The following MBD5 variants were observed in gnomAD, a reference collection of about 807,000 sequenced individuals.
The protein encoded by MBD5 is methyl-CpG-binding domain protein 5.
Under a neutral mutation model 117.3 loss-of-function variants are expected in MBD5, and 13 were observed. The observed-to-expected ratio is 0.11, with a 90% CI of 0.07 to 0.18. The LOEUF (loss-of-function observed/expected upper bound fraction) is 0.18. MBD5 is among the 10% of genes least tolerant of loss of function. The probability of loss-of-function intolerance (pLI) is 1.00; values close to 1 mark genes in which losing one functional copy is unlikely to be tolerated. For synonymous variants in MBD5, 727 were observed against 766.4 expected (o/e 0.95, Z 0.85); for missense variants, 1,879 against 2,093.8 (o/e 0.90, Z 2.00).
At chr2:148,305,477 G>A (rs771244019) in intron 3 of MBD5, among the ~76,000 whole-genome samples, 13 of 152,206 alleles carry the variant, frequency 8.5e-5, no homozygotes, top group Non-Finnish European at 1.0e-4. Flanking sequence ...AGGGCAGCCA[G>A]TCAAGAAGAT....
intron 3 of MBD5, among the ~76,000 whole-genome samples, chr2:148,271,902 C>G (rs1700995574): frequency 6.6e-6 from 1 of 152,160 alleles, no homozygotes. Context: ...TTTCTCCTGT[C>G]CAGCTGAAAT....
At chr2:148,252,059 G>GGA (rs1341659985) in intron 3 of MBD5, among the ~76,000 whole-genome samples, 1 of 152,106 alleles carries the variant, frequency 6.6e-6, no homozygotes, top group African/African-American at 2.4e-5. Flanking sequence ...CACAGTGATT[G>GGA]GAGAGAGAGA....
chr2:148,201,633 C>T (rs1435421096), intron 2 of MBD5, among the ~76,000 whole-genome samples: 2 of 152,078 alleles, frequency 1.3e-5, no homozygotes, highest in East Asian at 1.9e-4. Flanking sequence ...AAGTTCTTGT[C>T]CTGCATCCAA....
chr2:148,385,895 G>A (rs1488939907), intron 4 of MBD5, among the ~76,000 whole-genome samples: 1 of 147,396 alleles, frequency 6.8e-6, no homozygotes, highest in Non-Finnish European at 1.5e-5. Flanking sequence ...TCACTCATAG[G>A]TGGGAATTGA....
intron 2 of MBD5, among the ~76,000 whole-genome samples, chr2:148,215,904 A>G (rs1005302421): frequency 6.6e-6 from 1 of 152,136 alleles, no homozygotes; most frequent in Admixed American, 6.6e-5. Context: ...TTGCAAAACT[A>G]CTTTGATAGG....
At chr2:148,055,032 T>A (rs1694818989) in intron 1 of MBD5, 1 of 152,226 alleles carries the variant, frequency 6.6e-6, no homozygotes, top group Non-Finnish European at 1.5e-5. Context: ...GAGATAAATA[T>A]ATTTTTATAT....
chr2:148,234,966 C>G (rs1700061741), intron 3 of MBD5, among the ~76,000 whole-genome samples: 1 of 152,064 alleles, frequency 6.6e-6, no homozygotes, highest in Non-Finnish European at 1.5e-5. Flanking sequence ...CATAAGTAGT[C>G]TACGTTTCTC....
intron 4 of MBD5, among the ~76,000 whole-genome samples, chr2:148,408,158 C>T (rs886694527): frequency 1.3e-5 from 2 of 152,076 alleles, no homozygotes; most frequent in African/African-American, 4.8e-5. Context: ...TCAAATGGTA[C>T]CTTCAATTCG....
intron 1 of MBD5, among the ~76,000 whole-genome samples, chr2:148,164,389 TG>T (rs2105763984): frequency 6.6e-6 from 1 of 152,078 alleles, no homozygotes; most frequent in South Asian, 2.1e-4. Context: ...GGTGTCTTGG[TG>T]GGGGTAGGGT....
Position 148,021,356 on chromosome 2 carries a change from C to G in MBD5, c.-1253C>G. The G allele has an allele frequency of 2.3e-6, 1 of 426,488 alleles. No individual in the cohort carries two copies. The highest frequency in any genetic ancestry group is 2.6e-5 in the Admixed American group (1 of 38,734). The allele number at this position is 426,488 out of a possible 1,614,324, so 26.4% of individuals were successfully genotyped here. A position where few individuals can be genotyped will look rare whatever the true frequency, so the allele number is the denominator to read the frequency against. ...CCCATCCACGACTCCTACCCCCTCA[C>G]CCCTCCAACTCGCCTCCCTCCCTCC... On this transcript the variant is annotated 5_prime_UTR_variant, in exon 1 of 14. Transcript: ENST00000642680.
At chr2:148,023,338 T>G (rs1350290438) in intron 1 of MBD5, among the ~76,000 whole-genome samples, 2 of 152,216 alleles carry the variant, frequency 1.3e-5, no homozygotes, top group East Asian at 3.8e-4. Context: ...TTAGTGACAG[T>G]GAAGCATTGC....
intron 3 of MBD5, among the ~76,000 whole-genome samples, chr2:148,326,379 C>G (rs1176041082): frequency 6.6e-6 from 1 of 152,052 alleles, no homozygotes; most frequent in African/African-American, 2.4e-5. Flanking sequence ...GTGTTCAATT[C>G]CTGGGTATCC....
chr2:148,276,724 T>G (rs780611922), intron 3 of MBD5, among the ~76,000 whole-genome samples: 23 of 152,216 alleles, frequency 1.5e-4, no homozygotes, highest in Non-Finnish European at 3.2e-4. Flanking sequence ...CCTTTAGTTA[T>G]CATGTAAGAG....
intron 3 of MBD5, among the ~76,000 whole-genome samples, chr2:148,310,958 G>T (rs1277286881): frequency 2.0e-5 from 3 of 152,186 alleles, no homozygotes; most frequent in Admixed American, 2.0e-4. Context: ...GTGTGGTTTT[G>T]AGTGAGTTTC....
intron 1 of MBD5, among the ~76,000 whole-genome samples, chr2:148,140,354 G>A (rs1470629295): frequency 6.6e-6 from 1 of 152,000 alleles, no homozygotes; most frequent in Non-Finnish European, 1.5e-5. Flanking sequence ...TTCAAATTTT[G>A]TAGGTTGTTT....
At chr2:148,452,056 C>T (rs965206366) in intron 4 of MBD5, among the ~76,000 whole-genome samples, 2 of 152,090 alleles carry the variant, frequency 1.3e-5, no homozygotes, top group Non-Finnish European at 2.9e-5. Flanking sequence ...TCACATGACT[C>T]AAAAACCAAT....
chr2:148,382,006 G>C lies in MBD5; in HGVS notation c.-557+39670G>C, dbSNP rs148900165. On this transcript the variant is annotated intron_variant, in intron 4 of 13. Coordinates refer to ENST00000642680, the MANE Select transcript of MBD5 (RefSeq NM_001378120.1). ...CCGGTACTAGCCACTGCAAAAACAT[G>C]CCAAAGTGTAAAGACCATCAAGGCT... 7.9e-3 allele frequency among the ~76,000 whole-genome samples: 1,202 copies of C among 152,282 alleles called. 13 individuals are homozygous for C. Among genetic ancestry groups the C allele is most frequent in the African/African-American group, 0.027 (1,139 of 41,546 alleles).
At position 148,320,904 on chromosome 2, in the gene MBD5, C is replaced by T. The variant is rs78125001; in HGVS notation, c.-679-21310C>T. On this transcript the variant is annotated intron_variant, in intron 3 of 13. Coordinates refer to ENST00000642680, the MANE Select transcript of MBD5 (RefSeq NM_001378120.1). ...TGGATCTTCTCTCCTCTTTTTTAGT[C>T]TAGCTATTGGTTTATCAATTTTGTT... Among the ~76,000 whole-genome samples, 1,520 of 152,164 alleles carry T rather than the reference C, an allele frequency of 1.0e-2. 24 individuals are homozygous for T. The highest frequency in any genetic ancestry group is 0.035 in the African/African-American group (1,456 of 41,520).
At chr2:148,453,205 C>T (rs1488122455) in intron 4 of MBD5, among the ~76,000 whole-genome samples, 2 of 152,062 alleles carry the variant, frequency 1.3e-5, no homozygotes, top group Non-Finnish European at 2.9e-5. Flanking sequence ...GAGAGTACCC[C>T]TAGAGTTTAC....
Sources: gnomAD v4.1 joint callset for allele counts (sites outside exome capture counted in the v4.1 genomes callset) on GRCh38, gnomAD v4.1.1 for gene constraint, MANE v1.5 for transcripts, NCBI Gene and HGNC (gene_info 2026-07-23, HGNC 2026-07-21) for gene names.